The following ORC3 variants were observed in gnomAD, a reference collection of about 807,000 sequenced individuals.
The protein encoded by ORC3 is origin recognition complex subunit 3, also known as homolog of latheo, Drosophila.
Under a neutral mutation model 100.7 loss-of-function variants are expected in ORC3, and 78 were observed. The observed-to-expected ratio is 0.77, with a 90% CI of 0.65 to 0.94. ORC3 has a LOEUF of 0.94. Ranked by LOEUF, ORC3 falls within the 40% of genes least tolerant of loss-of-function variation. The pLI is 0.00. For synonymous variants in ORC3, 295 were observed against 289.3 expected (o/e 1.02, Z -0.20); for missense variants, 789 against 823.9 (o/e 0.96, Z 0.52).
intron 11 of ORC3, among the ~76,000 whole-genome samples, chr6:87,630,225 A>G (rs1767293980): frequency 1.3e-5 from 2 of 151,992 alleles, no homozygotes; most frequent in African/African-American, 2.4e-5. Context: ...GGGCAACATA[A>G]TGAGACCCCA....
chr6:87,601,738 A>T, intron 2 of ORC3, 46 bp from the exon 3 acceptor site: 1 of 1,088,386 alleles, frequency 9.2e-7, no homozygotes, highest in Non-Finnish European at 1.4e-6. Context: ...TATAACTTAT[A>T]CTATTATATG....
At chr6:87,660,258 A>T (rs990657356) in intron 16 of ORC3, among the ~76,000 whole-genome samples, 3 of 152,226 alleles carry the variant, frequency 2.0e-5, no homozygotes, top group Non-Finnish European at 2.9e-5. Flanking sequence ...AAATCACAAA[A>T]TCTTCCATAC....
intron 1 of ORC3, among the ~76,000 whole-genome samples, chr6:87,591,412 A>C (rs887154973): frequency 3.3e-5 from 5 of 152,242 alleles, no homozygotes; most frequent in Admixed American, 6.5e-5. Context: ...GCTTTTAAAG[A>C]CTACATCTCA....
intron 2 of ORC3, among the ~76,000 whole-genome samples, chr6:87,600,204 T>C (rs1372903853): frequency 1.3e-5 from 2 of 152,174 alleles, no homozygotes; most frequent in East Asian, 3.8e-4. Flanking sequence ...CATTAAAACT[T>C]GGTGGTAGAT....
intron 13 of ORC3, among the ~76,000 whole-genome samples, chr6:87,644,701 T>A (rs1228385742): frequency 6.6e-6 from 1 of 151,966 alleles, no homozygotes; most frequent in East Asian, 1.9e-4. Context: ...ATACAAAAAT[T>A]AGCCTGGCGT....
intron 13 of ORC3, among the ~76,000 whole-genome samples, chr6:87,645,181 C>T (rs1768661901): frequency 6.6e-6 from 1 of 151,974 alleles, no homozygotes; most frequent in African/African-American, 2.4e-5. Flanking sequence ...AACCCTGGTC[C>T]TTACCTATAC....
intron 9 of ORC3, among the ~76,000 whole-genome samples, chr6:87,620,234 T>C (rs1238474208): frequency 6.6e-6 from 1 of 152,218 alleles, no homozygotes; most frequent in Non-Finnish European, 1.5e-5. Context: ...CGAAAAGTAC[T>C]GTTAACATTG....
At chr6:87,594,528 A>G (rs1438639228) in intron 2 of ORC3, 121 bp downstream of exon 2, 6 of 1,381,392 alleles carry the variant, frequency 4.3e-6, no homozygotes, top group Non-Finnish European at 5.7e-6. Flanking sequence ...TTGATGTAGC[A>G]TTTATGTTCC....
chr6:87,627,567 A>T (rs1257443073), intron 11 of ORC3, among the ~76,000 whole-genome samples: 1 of 152,064 alleles, frequency 6.6e-6, no homozygotes, highest in Non-Finnish European at 1.5e-5. Context: ...AAGTGCTGGG[A>T]TTACAGATGT....
At chr6:87,626,669 C>T (rs1332205955) in intron 11 of ORC3, among the ~76,000 whole-genome samples, 2 of 151,962 alleles carry the variant, frequency 1.3e-5, no homozygotes, top group African/African-American at 4.8e-5. Context: ...TGCTTGTTAA[C>T]CCAGCTACTT....
chr6:87,622,137 T>C (rs1016743648), intron 11 of ORC3, 124 bp downstream of exon 11: 2 of 600,414 alleles, frequency 3.3e-6, no homozygotes. Flanking sequence ...AGTGAAGTAC[T>C]GGGTCTTGAT....
chr6:87,597,416 C>T (rs115154726), intron 2 of ORC3, among the ~76,000 whole-genome samples: 2,370 of 152,040 alleles, frequency 0.016, 60 homozygotes, highest in African/African-American at 0.053. Flanking sequence ...GACCCTAACC[C>T]GGATCAATTG....
At position 87,594,404 on chromosome 6, in the gene ORC3, A is replaced by G. The variant is rs148696846; in HGVS notation, c.76A>G (p.Ile26Val). ...CAAAAAGAGAAAGATCTCTCTGCCA[A>G]TAGGTAAGGTGTCTGAATATTAAAT... ...NSKKRKISLP[I>V]EDYFNKGKNE... Residue 26 changes from isoleucine (I) to valine (V), a missense_variant, in exon 2 of 20, where the codon ATA becomes GTA. Transcript: ENST00000392844. 339 of 1,581,660 alleles carry G rather than the reference A, an allele frequency of 2.1e-4. No homozygotes were observed. The highest frequency in any genetic ancestry group is 1.0e-3 in the Admixed American group (60 of 59,474).
rs939248131 is a variant in ORC3, at chr6:87,614,750, C to T, written c.874-1564C>T. 2.2e-4 allele frequency among the ~76,000 whole-genome samples: 34 copies of T among 152,186 alleles called. 2 individuals are homozygous for T. The highest frequency in any genetic ancestry group is 2.2e-3 in the Admixed American group (33 of 15,276). ...AAACATAACAAGAGTCACCTTTGCT[C>T]CAGTTTCCAACAAGTTTGTCATCTC... On this transcript the variant is annotated intron_variant, in intron 8 of 19. Coordinates refer to ENST00000392844, the MANE Select transcript of ORC3 (RefSeq NM_012381.4).
At chr6:87,671,478 C>T (rs1770830276), downstream of ORC3, among the ~76,000 whole-genome samples, 1 of 151,844 alleles carries the variant, frequency 6.6e-6, no homozygotes, top group South Asian at 2.1e-4. Context: ...CTACTAGATA[C>T]CTAACTGAAG....
At position 87,665,833 on chromosome 6, in the gene ORC3, A is replaced by C; in HGVS notation, c.2030A>C (p.His677Pro). 6.3e-7 allele frequency: 1 copy of C among 1,588,636 alleles called. No homozygotes were observed. Among genetic ancestry groups the C allele is most frequent in the Non-Finnish European group, 8.6e-7 (1 of 1,157,608 alleles). ...TCAGAAGAAATGAATGAAATTATCC[A>C]GTATCCTTTTAAAACCATTTCTACA... The part of the protein sequence containing the change: ...ATSEEMNEII[H>P]ARFIRAVSEL... The change falls in exon 19 of 20, where the codon CAT becomes CCT. Residue 677 changes from histidine (H) to proline (P), a missense_variant and splice_region_variant. His to Pro is a moderately conservative substitution (Grantham distance 77, BLOSUM62 -2). Around this residue, in one of 3 missense-constraint regions of ORC3, gnomAD observed 366 missense variants for 394.2 expected, o/e 0.93. Coordinates refer to ENST00000392844, the MANE Select transcript of ORC3 (RefSeq NM_012381.4).
At chr6:87,611,612 C>A (rs1253071256) in intron 7 of ORC3, among the ~76,000 whole-genome samples, 2 of 151,920 alleles carry the variant, frequency 1.3e-5, no homozygotes, top group Non-Finnish European at 2.9e-5. Flanking sequence ...TATGGTGAAA[C>A]CCCATCTCCA....
At chr6:87,609,463 T>C (rs1370609877) in intron 7 of ORC3, 3 of 360,802 alleles carry the variant, frequency 8.3e-6, no homozygotes, top group Non-Finnish European at 9.9e-6. Context: ...GGTAAGATAG[T>C]ATTAAATATG....
intron 9 of ORC3, among the ~76,000 whole-genome samples, chr6:87,619,731 T>A (rs1211858919): frequency 6.6e-5 from 10 of 152,212 alleles, no homozygotes; most frequent in Non-Finnish European, 1.2e-4. Flanking sequence ...ATGTGTATTA[T>A]CCTCAGTTTT....
Sources: gnomAD v4.1 joint callset for allele counts (sites outside exome capture counted in the v4.1 genomes callset) on GRCh38, gnomAD v4.1.1 for gene constraint, gnomAD v4.1.1 regional missense constraint, MANE v1.5 for transcripts, NCBI Gene and HGNC (gene_info 2026-07-23, HGNC 2026-07-21) for gene names.